Variants in INTU observed in about 807,000 individuals in gnomAD.
INTU encodes inturned planar cell polarity protein.
A neutral mutation model predicts 100.5 loss-of-function variants in INTU; 68 were observed. That is an observed-to-expected ratio of 0.68 (90% CI 0.56 to 0.83). The LOEUF is 0.83. Ranked by LOEUF, INTU falls within the 40% of genes least tolerant of loss-of-function variation. The pLI, the probability that INTU is intolerant of heterozygous loss-of-function variation, is 0.00. For synonymous variants in INTU, 357 were observed against 395.7 expected, an observed-to-expected ratio of 0.90 and a Z score of 1.16; for missense variants, 1,071 against 1,114.7, an observed-to-expected ratio of 0.96 and a Z score of 0.56.
chr4:127,705,121 A>G (rs1040163942), intron 10 of INTU, among the ~76,000 whole-genome samples: 1 of 152,104 alleles, frequency 6.6e-6, no homozygotes, highest in Admixed American at 6.6e-5. Flanking sequence ...CATCTTTTAA[A>G]TAAATCTTAT....
chr4:127,692,923 CTA>C (rs1451633136), intron 8 of INTU, among the ~76,000 whole-genome samples: 4 of 152,050 alleles, frequency 2.6e-5, no homozygotes, highest in African/African-American at 9.7e-5. Context: ...TCTGGGTTCT[CTA>C]TTTTGTTCCA....
chr4:127,647,916 A>G (rs1727662026), intron 2 of INTU, among the ~76,000 whole-genome samples: 1 of 150,088 alleles, frequency 6.7e-6, no homozygotes, highest in African/African-American at 2.5e-5. Context: ...ATATTTTCAT[A>G]GCCCTTGGTG....
chr4:127,676,561 G>A (rs1460517234), intron 6 of INTU, among the ~76,000 whole-genome samples: 5 of 150,758 alleles, frequency 3.3e-5, no homozygotes, highest in African/African-American at 4.9e-5. Context: ...ACTCCAGCCT[G>A]GGTGACAGAG....
chr4:127,659,379 C>CA (rs1728373754), intron 3 of INTU, among the ~76,000 whole-genome samples: 2 of 152,174 alleles, frequency 1.3e-5, no homozygotes, highest in South Asian at 4.1e-4. Context: ...AGAGAAGAGA[C>CA]AAAATGAAGC....
chr4:127,693,486 G>T (rs1730245061), intron 8 of INTU, among the ~76,000 whole-genome samples: 1 of 152,036 alleles, frequency 6.6e-6, no homozygotes, highest in Non-Finnish European at 1.5e-5. Flanking sequence ...AGTCTTTAGG[G>T]TTTTCTAGGT....
chr4:127,710,950 G>A lies in INTU; in HGVS notation c.2407G>A (p.Val803Ile), dbSNP rs371347616. The change falls in exon 14 of 16, where the codon GTT (valine) becomes ATT (isoleucine). Residue 803 changes from valine (V) to isoleucine (I), a missense_variant. Physicochemically the swap from Val to Ile is conservative, Grantham distance 29. Transcript: ENST00000335251. ...TCCTGAGAACACACTTTTCCACTAC[G>A]TTGCCTTAGAAACAGTGCAAGGAAT... ...SGPENTLFHY[V>I]ALETVQGIFI... 189 of 1,518,278 alleles carry A rather than the reference G, an allele frequency of 1.2e-4. No homozygotes were observed. Among genetic ancestry groups the A allele is most frequent in the South Asian group, 2.5e-4 (18 of 73,374 alleles). The allele number at this position is 1,518,278 out of a possible 1,614,324, so 94.1% of individuals were successfully genotyped here. A position where few individuals can be genotyped will look rare whatever the true frequency, so the allele number is the denominator to read the frequency against.
chr4:127,694,198 C>G (rs768091689), intron 8 of INTU, among the ~76,000 whole-genome samples: 2 of 151,672 alleles, frequency 1.3e-5, no homozygotes, highest in Non-Finnish European at 2.9e-5. Context: ...TCTGTCTGGT[C>G]CTGGACTTTT....
intron 8 of INTU, among the ~76,000 whole-genome samples, chr4:127,690,604 C>A (rs771787713): frequency 1.8e-4 from 28 of 152,162 alleles, no homozygotes; most frequent in Non-Finnish European, 4.0e-4. Context: ...GAGCTAGATA[C>A]CTTTTGCTAA....
At chr4:127,639,364 T>G (rs2126173561) in intron 1 of INTU, among the ~76,000 whole-genome samples, 1 of 152,282 alleles carries the variant, frequency 6.6e-6, no homozygotes, top group African/African-American at 2.4e-5. Flanking sequence ...TTCCATACTC[T>G]GTTCTCTGGA....
chr4:127,658,878 T>A (rs368136704), intron 3 of INTU, among the ~76,000 whole-genome samples: 1 of 152,168 alleles, frequency 6.6e-6, no homozygotes, highest in Non-Finnish European at 1.5e-5. Context: ...GAAATAATTA[T>A]ACAACTCACC....
chr4:127,679,611 G>T (rs1018885470), intron 6 of INTU, among the ~76,000 whole-genome samples: 2 of 152,020 alleles, frequency 1.3e-5, no homozygotes, highest in Admixed American at 6.6e-5. Context: ...GCAGTGCATA[G>T]AGGGAAATTT....
chr4:127,722,503 C>T lies in INTU; in HGVS notation c.*6067C>T, dbSNP rs1027564781. ...TGGGTGTGCTACACTGGGGGGAATC[C>T]CCCTCATCTGGACTGCCTTGACTCT... On this transcript the variant is annotated 3_prime_UTR_variant, in exon 16 of 16. Coordinates refer to ENST00000335251, the MANE Select transcript of INTU (RefSeq NM_015693.4). The T allele has an allele frequency of 2.0e-5, 3 of 152,270 alleles. No individual in the cohort carries two copies. 9.4% of individuals were successfully genotyped at this position (152,270 alleles called of 1,614,324 possible).
intron 2 of INTU, among the ~76,000 whole-genome samples, chr4:127,644,354 C>G (rs1015854258): frequency 7.9e-5 from 12 of 151,314 alleles, no homozygotes; most frequent in Non-Finnish European, 1.5e-4. Flanking sequence ...TATTTGCTGA[C>G]AAGAAAAAAA....
intron 3 of INTU, among the ~76,000 whole-genome samples, chr4:127,660,332 G>C (rs1728421858): frequency 6.6e-6 from 1 of 152,194 alleles, no homozygotes; most frequent in Non-Finnish European, 1.5e-5. Context: ...GAGATAATCT[G>C]CTGAGCCAGT....
chr4:127,651,110 G>C (rs1463741152), intron 2 of INTU, among the ~76,000 whole-genome samples: 3 of 151,994 alleles, frequency 2.0e-5, no homozygotes, highest in Non-Finnish European at 4.4e-5. Context: ...TGTAGATTCT[G>C]GATATTAGCC....
At chr4:127,641,464 A>G (rs559442518) in intron 1 of INTU, among the ~76,000 whole-genome samples, 1 of 152,086 alleles carries the variant, frequency 6.6e-6, no homozygotes, top group South Asian at 2.1e-4. Flanking sequence ...CTCCTGTTTG[A>G]AATCCTCTTC....
intron 1 of INTU, among the ~76,000 whole-genome samples, chr4:127,640,534 T>A (rs1727264559): frequency 8.3e-6 from 1 of 120,780 alleles, no homozygotes; most frequent in African/African-American, 3.2e-5. Context: ...GTCTTTTGGG[T>A]AAAGATACAT....
At chr4:127,646,711 C>T (rs1727607457) in intron 2 of INTU, among the ~76,000 whole-genome samples, 1 of 152,052 alleles carries the variant, frequency 6.6e-6, no homozygotes, top group South Asian at 2.1e-4. Context: ...ACAGTTTTCA[C>T]AAAAGCAAGT....
At chr4:127,662,116 C>T (rs1328000382) in intron 3 of INTU, among the ~76,000 whole-genome samples, 3 of 151,982 alleles carry the variant, frequency 2.0e-5, no homozygotes, top group Non-Finnish European at 4.4e-5. Context: ...AGTCATTTGC[C>T]CACTTTTTAA....
Sources: gnomAD v4.1 joint callset for allele counts (sites outside exome capture counted in the v4.1 genomes callset) on GRCh38, gnomAD v4.1.1 for gene constraint, MANE v1.5 for transcripts, NCBI Gene and HGNC (gene_info 2026-07-23, HGNC 2026-07-21) for gene names.